SETD1B: variants seen among roughly 807,000 people sequenced by gnomAD.
SETD1B encodes histone-lysine N-methyltransferase SETD1B.
A neutral mutation model predicts 148.0 loss-of-function variants in SETD1B; 7 were observed. That is an observed-to-expected ratio of 0.05 (90% CI 0.03 to 0.09). The LOEUF (loss-of-function observed/expected upper bound fraction) is 0.09. SETD1B is among the 10% of genes least tolerant of loss of function. The pLI is 1.00. For synonymous variants in SETD1B, 1,361 were observed against 1,186.5 expected (o/e 1.15, Z -3.02); for missense variants, 2,155 against 2,729.9 (o/e 0.79, Z 4.69).
At chr12:121,806,253 G>C (rs1875736112) in intron 4 of SETD1B, 148 bp downstream of exon 4, 1 of 837,230 alleles carries the variant, frequency 1.2e-6, no homozygotes, top group African/African-American at 1.7e-5. Context: ...CCTGAGGGTA[G>C]AGTCGCGTGG....
Position 121,809,669 on chromosome 12 carries a change from T to G in SETD1B, c.724T>G (p.Ser242Ala). The G allele has an allele frequency of 6.4e-7, 1 of 1,551,680 alleles. No homozygotes were observed. Among genetic ancestry groups the G allele is most frequent in the Non-Finnish European group, 8.7e-7 (1 of 1,147,002 alleles). Residue 242 changes from serine to alanine, a missense_variant, in exon 6 of 17, where the codon TCT becomes GCT. Physicochemically the swap from Ser to Ala is moderately conservative, Grantham distance 99. Transcript: ENST00000604567. ...TGCAGGCTGTGGCTCCGGCTCCTCCTCTGTCACCCCCAATAGCGGTGGGAC... is the reference window on the plus strand; with the variant it reads ...TGCAGGCTGTGGCTCCGGCTCCTCCGCTGTCACCCCCAATAGCGGTGGGAC... ...LSAGCGSGSS[S>A]VTPNSGGTPF... is the part of the protein sequence containing the mutation.
upstream of SETD1B, chr12:121,802,908 G>C (rs531385951): frequency 1.3e-5 from 2 of 152,232 alleles, no homozygotes; most frequent in Non-Finnish European, 2.9e-5. Flanking sequence ...GCAGAAAAAT[G>C]GCTTCCCTCA....
In SETD1B at chr12:121,810,226, G is replaced by T; in HGVS notation, c.1281G>T (p.Glu427Asp). The T allele has an allele frequency of 6.5e-7, 1 of 1,548,772 alleles. No homozygotes were observed. Among genetic ancestry groups the T allele is most frequent in the Non-Finnish European group, 8.7e-7 (1 of 1,146,844 alleles). The change falls in exon 6 of 17, where the codon GAG (glutamate) becomes GAT (aspartate). Residue 427 changes from glutamate (E) to aspartate (D), a missense_variant. Transcript: ENST00000604567. The surrounding 1 kb of genome is among the most constrained non-coding windows in gnomAD (Gnocchi z 7.6). The part of the protein sequence containing the change: ...TAAFGARDSG[E>D]FRRAPAPPPL... ...CTTTTGGGGCCCGCGACAGTGGGGAGTTCCGGAGGGCACCGGCGCCCCCAC... is the reference window on the plus strand; with the variant it reads ...CTTTTGGGGCCCGCGACAGTGGGGATTTCCGGAGGGCACCGGCGCCCCCAC...
At chr12:121,798,070 G>A in the SETD1B span, among the ~76,000 whole-genome samples, 1 of 152,260 alleles carries the variant, frequency 6.6e-6, no homozygotes, top group African/African-American at 2.4e-5. Context: ...GCAGACAGCT[G>A]GCACGGGAGG....
chr12:121,823,337 T>TG lies in SETD1B; in HGVS notation c.4758_4759insG (p.Pro1587AlafsTer21). 5 of 809,460 alleles carry TG rather than the reference T, an allele frequency of 6.2e-6. No individual in the cohort carries two copies. The highest frequency in any genetic ancestry group is 1.5e-5 in the South Asian group (1 of 67,364). 50.1% of individuals were successfully genotyped at this position (809,460 alleles called of 1,614,324 possible). On this transcript the variant is annotated frameshift_variant, in exon 12 of 17. Coordinates refer to ENST00000604567, the MANE Select transcript of SETD1B (RefSeq NM_001353345.2). LOFTEE classifies it high-confidence loss of function. ...GGATCCCAGCCCCTCCACCACCCCT[T>TG]CCCCCCCAGCCACCCCCACCCCCAC...
In SETD1B at chr12:121,823,662, C is replaced by T. The variant is rs192346119; in HGVS notation, c.5083C>T (p.Arg1695Cys). Residue 1695 changes from arginine (R) to cysteine (C), a missense_variant, in exon 12 of 17, where the codon CGC becomes TGC. By Grantham distance (180) the Arg-to-Cys change is radical (BLOSUM62 -3). Coordinates refer to ENST00000604567, the MANE Select transcript of SETD1B (RefSeq NM_001353345.2). ...CGGTGGCATCGATGAGGAGGACATC[C>T]GCTTCCTGTGTGTCACCTACGAGCG... ...WNGGIDEEDIRFLCVTYERLL... is the reference protein window; with the variant it reads ...WNGGIDEEDICFLCVTYERLL... 3 of 1,551,478 alleles carry T rather than the reference C, an allele frequency of 1.9e-6. No individual in the cohort carries two copies. Among genetic ancestry groups the T allele is most frequent in the Non-Finnish European group, 2.6e-6 (3 of 1,146,992 alleles).
At position 121,809,635 on chromosome 12, in the gene SETD1B, A is replaced by G. The variant is rs768869133; in HGVS notation, c.690A>G (p.Gly230=). The change falls in exon 6 of 17, where the codon GGA becomes GGG. Residue 230 remains glycine, a synonymous_variant. Coordinates refer to ENST00000604567, the MANE Select transcript of SETD1B (RefSeq NM_001353345.2). ...LSDALKRLKD[G]GLSAGCGSGS... ...ATGCCCTGAAGCGCCTCAAGGATGG[A>G]GGCCTGTCTGCAGGCTGTGGCTCCG... 9.7e-6 allele frequency: 15 copies of G among 1,550,948 alleles called. No individual in the cohort carries two copies. Among genetic ancestry groups the G allele is most frequent in the Admixed American group, 3.9e-5 (2 of 50,952 alleles).
chr12:121,808,150 G>A lies in SETD1B; in HGVS notation c.545-58G>A, dbSNP rs1283111818. On this transcript the variant is annotated intron_variant, in intron 4 of 16. Coordinates refer to ENST00000604567, the MANE Select transcript of SETD1B (RefSeq NM_001353345.2). This position sits in a 1 kb window ranked among gnomAD's most constrained non-coding sequence, Gnocchi z 5.3. The stretch of plus-strand genomic sequence containing the variant: ...GGGTGCCACACAGGTTGGAATCCTT[G>A]TGGGGGCTGCCCCATCCTGGAACCT... 1 of 1,382,438 alleles carries A rather than the reference G, an allele frequency of 7.2e-7. No individual in the cohort carries two copies. Among genetic ancestry groups the A allele is most frequent in the Non-Finnish European group, 1.0e-6 (1 of 1,000,596 alleles). The allele number at this position is 1,382,438 out of a possible 1,614,324, so 85.6% of individuals were successfully genotyped here. A position where few individuals can be genotyped will look rare whatever the true frequency, so the allele number is the denominator to read the frequency against.
intron 4 of SETD1B, among the ~76,000 whole-genome samples, chr12:121,807,208 C>G (rs1394426214): frequency 1.3e-5 from 2 of 152,048 alleles, no homozygotes; most frequent in Non-Finnish European, 2.9e-5. Flanking sequence ...ACTTGCCGAG[C>G]CTGTGCCCGG....
intron 16 of SETD1B, among the ~76,000 whole-genome samples, chr12:121,829,243 A>T (rs1592994072): frequency 6.6e-6 from 1 of 151,814 alleles, no homozygotes; most frequent in South Asian, 2.1e-4. Context: ...GCAGGAGTGG[A>T]TTTTTTCAGG....
intron 4 of SETD1B, among the ~76,000 whole-genome samples, chr12:121,807,813 G>T (rs551146673): frequency 6.6e-6 from 1 of 152,102 alleles, no homozygotes; most frequent in African/African-American, 2.4e-5. Flanking sequence ...TCTGTGTCAC[G>T]GGCTTCCCTT....
Position 121,819,736 on chromosome 12 carries a change from G to A in SETD1B, c.3751G>A (p.Asp1251Asn). ...CCCTGAGGAGCGGCCCTCCATGCTG[G>A]ACGAGCCCCCCTTGCCTGTGGGTGT... ...VAPEERPSMLDEPPLPVGVEE... is the reference protein window; with the variant it reads ...VAPEERPSMLNEPPLPVGVEE... Residue 1251 changes from aspartate to asparagine, a missense_variant, in exon 11 of 17, where the codon GAC (aspartate) becomes AAC (asparagine). By Grantham distance (23) the Asp-to-Asn change is conservative. Transcript: ENST00000604567. 1 of 1,551,298 alleles carries A rather than the reference G, an allele frequency of 6.4e-7. No homozygotes were observed. Among genetic ancestry groups the A allele is most frequent in the East Asian group, 2.4e-5 (1 of 40,914 alleles).
intron 11 of SETD1B, 28 bp downstream of exon 11, chr12:121,819,923 G>A (rs1282299475): frequency 7.8e-6 from 12 of 1,532,238 alleles, no homozygotes; most frequent in Non-Finnish European, 1.1e-5. Flanking sequence ...CTGGGAGGGT[G>A]GTGGGAGGGA....
chr12:121,829,017 G>A (rs919625704), intron 16 of SETD1B, among the ~76,000 whole-genome samples: 4 of 151,804 alleles, frequency 2.6e-5, no homozygotes, highest in South Asian at 2.1e-4. Flanking sequence ...GGGGAACTGC[G>A]TGTTCAAAGG....
Position 121,817,612 on chromosome 12 carries a change from A to C in SETD1B, c.3220A>C (p.Thr1074Pro). Residue 1074 changes from threonine to proline, a missense_variant, in exon 9 of 17, where the codon ACC (threonine) becomes CCC (proline). By Grantham distance (38) the Thr-to-Pro change is conservative. Transcript: ENST00000604567. This position sits in a 1 kb window ranked among gnomAD's most constrained non-coding sequence, Gnocchi z 8.1. ...ASDKEEEQES[T>P]EEEEEAEEEE... Reference sequence around the variant, plus strand: ...CGACAAGGAGGAGGAACAGGAGAGCACCGAGGAGGAAGAGGAGGCGGAGGA... The same window carrying C: ...CGACAAGGAGGAGGAACAGGAGAGCCCCGAGGAGGAAGAGGAGGCGGAGGA... 10 of 1,551,530 alleles carry C rather than the reference A, an allele frequency of 6.4e-6. No individual in the cohort carries two copies. Among genetic ancestry groups the C allele is most frequent in the Non-Finnish European group, 8.7e-6 (10 of 1,146,872 alleles).
At chr12:121,798,926 G>C in the SETD1B span, among the ~76,000 whole-genome samples, 4 of 152,230 alleles carry the variant, frequency 2.6e-5, no homozygotes, top group African/African-American at 9.6e-5. Flanking sequence ...TGTGCCAAGC[G>C]TGGAACGTGG....
rs2051945550 is a variant in SETD1B at position 121,832,182 on chromosome 12, T to C, written c.*1943T>C. On this transcript the variant is annotated 3_prime_UTR_variant, in exon 17 of 17. Coordinates refer to ENST00000604567, the MANE Select transcript of SETD1B (RefSeq NM_001353345.2). ...CTTCCCATAAAAGAAGTGGGGGTGT[T>C]CGAGAAGACCAGGGAAGGGACCCTT... The C allele has an allele frequency of 6.6e-6, 1 of 152,236 alleles. No homozygotes were observed. The highest frequency in any genetic ancestry group is 1.5e-5 in the Non-Finnish European group (1 of 68,100). 9.4% of individuals were successfully genotyped at this position (152,236 alleles called of 1,614,324 possible). A position where few individuals can be genotyped will look rare whatever the true frequency, so the allele number is the denominator to read the frequency against.
chr12:121,807,414 C>A (rs1413499261), intron 4 of SETD1B, among the ~76,000 whole-genome samples: 2 of 138,648 alleles, frequency 1.4e-5, no homozygotes, highest in Non-Finnish European at 1.5e-5. Context: ...TTTTAAGGAG[C>A]AGCCAGGTCT....
chr12:121,793,748 C>T, the SETD1B span: 2 of 963,228 alleles, frequency 2.1e-6, 1 homozygote, highest in South Asian at 4.2e-5. Context: ...CCGCCTCCGC[C>T]AGGCAGCCTC....
Sources: allele counts gnomAD v4.1 joint callset (sites outside exome capture counted in the v4.1 genomes callset), GRCh38; gene constraint gnomAD v4.1.1; non-coding constraint Gnocchi (gnomAD v3.1); transcripts MANE v1.5; gene names NCBI Gene and HGNC (gene_info 2026-07-23, HGNC 2026-07-21).